PTGFRN: variants seen among roughly 807,000 people sequenced by gnomAD.
The protein encoded by PTGFRN is prostaglandin F2 receptor negative regulator.
Under a neutral mutation model 83.2 loss-of-function variants are expected in PTGFRN, and 35 were observed. The observed-to-expected ratio is 0.42, with a 90% CI of 0.32 to 0.56. The LOEUF (loss-of-function observed/expected upper bound fraction) is 0.56, where lower values mean the gene tolerates loss of function less well. Among genes scored for constraint, PTGFRN ranks in the 20% least tolerant of loss-of-function variants. PTGFRN has a pLI of 0.11. For synonymous variants in PTGFRN, 519 were observed against 498.6 expected (o/e 1.04, Z -0.55); for missense variants, 1,051 against 1,179.5 (o/e 0.89, Z 1.60).
intron 1 of PTGFRN, among the ~76,000 whole-genome samples, chr1:116,937,921 G>C (rs1396757510): frequency 1.3e-5 from 2 of 152,142 alleles, no homozygotes; most frequent in Non-Finnish European, 2.9e-5. Flanking sequence ...CCCTCAGGGA[G>C]GGTGGTGACC....
chr1:116,937,765 G>A (rs1223256905), intron 1 of PTGFRN, among the ~76,000 whole-genome samples: 11 of 152,150 alleles, frequency 7.2e-5, no homozygotes, highest in Non-Finnish European at 1.2e-4. Context: ...AAATTCCTCT[G>A]TAAACCTAGC....
chr1:116,941,592 C>T lies in PTGFRN; in HGVS notation c.50-123C>T. 7.6e-7 allele frequency: 1 copy of T among 1,316,012 alleles called. No individual in the cohort carries two copies. Among genetic ancestry groups the T allele is most frequent in the East Asian group, 2.3e-5 (1 of 43,154 alleles). The allele number at this position is 1,316,012 out of a possible 1,614,324, so 81.5% of individuals were successfully genotyped here. ...AACCTTCTGCATAGATACATTTTCC[C>T]TAGTAGTTTGGCTGTCACGTTTCTG... On this transcript the variant is annotated intron_variant, in intron 1 of 8. Coordinates refer to ENST00000393203, the MANE Select transcript of PTGFRN (RefSeq NM_020440.4). The surrounding 1 kb of genome is among the most constrained non-coding windows in gnomAD (Gnocchi z 5.0).
At chr1:116,948,674 G>A (rs1225548572) in intron 3 of PTGFRN, among the ~76,000 whole-genome samples, 1 of 152,158 alleles carries the variant, frequency 6.6e-6, no homozygotes, top group Non-Finnish European at 1.5e-5. Context: ...TTCCTTTTCT[G>A]TAAAATCACC....
chr1:116,986,677 G>A, intron 8 of PTGFRN, 124 bp from the exon 9 acceptor site: 1 of 891,068 alleles, frequency 1.1e-6, no homozygotes, highest in Admixed American at 2.4e-5. Context: ...GGTGCTAGAT[G>A]CAGGAGGAAT....
In PTGFRN at chr1:116,942,105, G is replaced by C; in HGVS notation, c.418+22G>C. On this transcript the variant is annotated intron_variant, in intron 2 of 8. Coordinates refer to ENST00000393203, the MANE Select transcript of PTGFRN (RefSeq NM_020440.4). ...AAAGGTACAGTCCTCACATGGGCTTGTTATGCCAGGGGCCAGACCTTTCTC... is the reference window on the plus strand; with the variant it reads ...AAAGGTACAGTCCTCACATGGGCTTCTTATGCCAGGGGCCAGACCTTTCTC... 1.9e-6 allele frequency: 3 copies of C among 1,588,784 alleles called. No homozygotes were observed. In the South Asian group the frequency reaches 3.4e-5, roughly 18 times the overall value.
At position 116,968,975 on chromosome 1, in the gene PTGFRN, C is replaced by T. The variant is rs552352492; in HGVS notation, c.2059+1645C>T. 2.6e-5 allele frequency among the ~76,000 whole-genome samples: 4 copies of T among 152,164 alleles called. No individual in the cohort carries two copies. The East Asian group carries it at 7.7e-4, about 29-fold the overall frequency. ...CTGTTGATGGACGTTTAGACTATCTCTACTTTTTGGCTATTATGAATAGTG... is the reference window on the plus strand; with the variant it reads ...CTGTTGATGGACGTTTAGACTATCTTTACTTTTTGGCTATTATGAATAGTG... On this transcript the variant is annotated intron_variant, in intron 6 of 8. Coordinates refer to ENST00000393203, the MANE Select transcript of PTGFRN (RefSeq NM_020440.4).
At chr1:116,976,934 G>C (rs958187992) in intron 7 of PTGFRN, among the ~76,000 whole-genome samples, 6 of 152,168 alleles carry the variant, frequency 3.9e-5, no homozygotes, top group African/African-American at 7.2e-5. Flanking sequence ...CTGGCAAATT[G>C]GATAAAGACT....
chr1:116,917,029 T>G (rs796814528), intron 1 of PTGFRN, among the ~76,000 whole-genome samples: 7 of 152,158 alleles, frequency 4.6e-5, no homozygotes, highest in African/African-American at 1.7e-4. Context: ...GAGAGCACGC[T>G]GTCGGAAGCC....
chr1:116,983,129 G>A (rs1216500534), intron 7 of PTGFRN, among the ~76,000 whole-genome samples: 2 of 152,154 alleles, frequency 1.3e-5, no homozygotes, highest in African/African-American at 4.8e-5. Flanking sequence ...TTTAACCCTG[G>A]GTTTTGTCAT....
At chr1:116,973,586 C>A (rs1288131937) in intron 6 of PTGFRN, among the ~76,000 whole-genome samples, 2 of 131,880 alleles carry the variant, frequency 1.5e-5, no homozygotes, top group South Asian at 2.4e-4. Flanking sequence ...GCCTGCGTGA[C>A]AGAGCAAGAC....
At chr1:116,986,496 C>A (rs1651489958) in intron 8 of PTGFRN, among the ~76,000 whole-genome samples, 1 of 152,158 alleles carries the variant, frequency 6.6e-6, no homozygotes, top group African/African-American at 2.4e-5. Flanking sequence ...CTTATACTGA[C>A]TTTTAAAAAT....
rs754322289 is a variant in PTGFRN, at chr1:116,967,103, A to T, written c.1832A>T (p.Asp611Val). ...ETKYIISLDQ[D>V]SVVKLENWTD... is the part of the protein sequence containing the mutation. ...AAGTACATCATCTCTCTGGACCAGGATTCTGTGGTGAAGCTGGAGAATTGG... is the reference window on the plus strand; with the variant it reads ...AAGTACATCATCTCTCTGGACCAGGTTTCTGTGGTGAAGCTGGAGAATTGG... Residue 611 changes from aspartate to valine, a missense_variant, in exon 6 of 9, where the codon GAT (aspartate) becomes GTT (valine). Around this residue, in one of 3 missense-constraint regions of PTGFRN, gnomAD observed 719 missense variants for 836.6 expected, o/e 0.86. Transcript: ENST00000393203. The T allele has an allele frequency of 6.2e-7, 1 of 1,614,074 alleles. No individual in the cohort carries two copies. The highest frequency in any genetic ancestry group is 1.3e-5 in the African/African-American group (1 of 74,936).
intron 7 of PTGFRN, among the ~76,000 whole-genome samples, chr1:116,981,077 A>T (rs1651305842): frequency 6.6e-6 from 1 of 152,180 alleles, no homozygotes; most frequent in African/African-American, 2.4e-5. Context: ...TGCCAACAGG[A>T]TGCCTAAGAG....
At position 116,958,557 on chromosome 1, in the gene PTGFRN, C is replaced by A. The variant is rs1650560379; in HGVS notation, c.1214-2686C>A. Among the ~76,000 whole-genome samples, 1 of 152,152 alleles carries A rather than the reference C, an allele frequency of 6.6e-6. No individual in the cohort carries two copies. Among genetic ancestry groups the A allele is most frequent in the Non-Finnish European group, 1.5e-5 (1 of 68,038 alleles). ...TGAATAATGATCACAAATATATACA[C>A]GTGTATGTGTATATGAATATGTGTG... On this transcript the variant is annotated intron_variant, in intron 4 of 8. Coordinates refer to ENST00000393203, the MANE Select transcript of PTGFRN (RefSeq NM_020440.4). This position sits in a 1 kb window ranked among gnomAD's most constrained non-coding sequence, Gnocchi z 4.9.
intron 2 of PTGFRN, 40 bp downstream of exon 2, chr1:116,942,123 C>G: frequency 6.4e-7 from 1 of 1,565,282 alleles, no homozygotes; most frequent in Non-Finnish European, 8.7e-7. Flanking sequence ...AGGGGCCAGA[C>G]CTTTCTCTGC....
At chr1:116,962,641 T>A (rs182129182) in intron 5 of PTGFRN, among the ~76,000 whole-genome samples, 1 of 152,322 alleles carries the variant, frequency 6.6e-6, no homozygotes, top group East Asian at 1.9e-4. Flanking sequence ...GTCCTACACT[T>A]ACATGCTTAT....
chr1:116,963,886 C>T (rs1039227678), intron 5 of PTGFRN, among the ~76,000 whole-genome samples: 2 of 151,934 alleles, frequency 1.3e-5, no homozygotes, highest in African/African-American at 4.8e-5. Flanking sequence ...AGTTATCCTC[C>T]CACCTCAGCC....
At chr1:116,951,378 A>G (rs1333950034) in intron 4 of PTGFRN, among the ~76,000 whole-genome samples, 3 of 152,236 alleles carry the variant, frequency 2.0e-5, no homozygotes, top group Admixed American at 1.3e-4. Context: ...TTTCCTTTGG[A>G]GTGCTACTAC....
chr1:116,962,863 A>T (rs748051021), intron 5 of PTGFRN, among the ~76,000 whole-genome samples: 62 of 152,242 alleles, frequency 4.1e-4, no homozygotes, highest in African/African-American at 1.5e-3. Context: ...CGTCTCTCTC[A>T]CTAGGGTGCC....
Sources: gnomAD v4.1 joint callset for allele counts (sites outside exome capture counted in the v4.1 genomes callset) on GRCh38, gnomAD v4.1.1 for gene constraint, gnomAD v4.1.1 regional missense constraint, Gnocchi (gnomAD v3.1) non-coding constraint, MANE v1.5 for transcripts, NCBI Gene and HGNC (gene_info 2026-07-23, HGNC 2026-07-21) for gene names.